The following DLG2 variants were observed in gnomAD, a reference collection of about 807,000 sequenced individuals.
DLG2 encodes disks large homolog 2.
DLG2 carries 45 observed loss-of-function variants against 132.5 expected under a neutral mutation model. The ratio of observed to expected loss-of-function variants is 0.34; its 90% CI spans 0.27 to 0.44. DLG2 has a LOEUF of 0.44. Ranked by LOEUF, DLG2 falls within the 20% of genes least tolerant of loss-of-function variation. The pLI is 1.00. For synonymous variants in DLG2, 424 were observed against 419.6 expected (o/e 1.01, Z -0.13); for missense variants, 1,045 against 1,196.9 (o/e 0.87, Z 1.87).
chr11:85,362,622 C>A (rs983288806), intron 3 of DLG2, among the ~76,000 whole-genome samples: 2 of 150,852 alleles, frequency 1.3e-5, no homozygotes, highest in African/African-American at 4.9e-5. Flanking sequence ...TTTTTTAATG[C>A]CTGATTGCTC....
chr11:85,079,823 G>A (rs2067011600), intron 6 of DLG2, among the ~76,000 whole-genome samples: 2 of 151,972 alleles, frequency 1.3e-5, no homozygotes, highest in South Asian at 4.1e-4. Context: ...GTAGAGATGG[G>A]GTTTCACCAT....
At chr11:85,363,963 C>T (rs2084348314) in intron 3 of DLG2, among the ~76,000 whole-genome samples, 1 of 152,084 alleles carries the variant, frequency 6.6e-6, no homozygotes, top group Non-Finnish European at 1.5e-5. Context: ...TAGTCTTTTC[C>T]AGTCTTAAAA....
At chr11:84,989,327 C>T (rs1244748392) in intron 6 of DLG2, among the ~76,000 whole-genome samples, 1 of 152,088 alleles carries the variant, frequency 6.6e-6, no homozygotes, top group Non-Finnish European at 1.5e-5. Context: ...AGGCATCTGC[C>T]ACCACGCCCG....
At chr11:84,480,553 G>A (rs1009596802) in intron 7 of DLG2, among the ~76,000 whole-genome samples, 17 of 151,866 alleles carry the variant, frequency 1.1e-4, no homozygotes, top group Non-Finnish European at 2.4e-4. Flanking sequence ...AAGAAAAAAA[G>A]AAAGAAAAAA....
rs2098322555 is a variant in DLG2 at position 84,313,648 on chromosome 11, A to AGAAAGAAAGAAAGAAAGAAAG, written c.520-62378_520-62358dup. Among the ~76,000 whole-genome samples the AGAAAGAAAGAAAGAAAGAAAG allele has an allele frequency of 2.4e-5, 3 of 127,086 alleles. No individual in the cohort carries two copies. In the East Asian group the frequency reaches 6.4e-4, roughly 27 times the overall value. 83.4% of individuals were successfully genotyped at this position (127,086 alleles called of 152,430 possible). ...AAAGAAAGGAAAGAGAGAAAAAGAA[A>AGAAAGAAAGAAAGAAAGAAAG]GAAAGAAAGAAAGAAAGAAAGAAAG... is the stretch of plus-strand genomic sequence containing the variant. On this transcript the variant is annotated intron_variant, in intron 7 of 27. Coordinates refer to ENST00000376104, the MANE Select transcript of DLG2 (RefSeq NM_001142699.3).
intron 11 of DLG2, among the ~76,000 whole-genome samples, chr11:84,051,042 A>T (rs2096365452): frequency 6.6e-6 from 1 of 152,002 alleles, no homozygotes; most frequent in Non-Finnish European, 1.5e-5. Flanking sequence ...ATCGCTGGCC[A>T]TCAGAGAAAT....
At chr11:84,517,340 T>C (rs1314217748) in intron 7 of DLG2, among the ~76,000 whole-genome samples, 2 of 151,856 alleles carry the variant, frequency 1.3e-5, no homozygotes, top group African/African-American at 2.4e-5. Flanking sequence ...GCAGAGGATC[T>C]GAACAGACAT....
At chr11:85,012,087 C>G (rs1433956763) in intron 6 of DLG2, among the ~76,000 whole-genome samples, 1 of 150,234 alleles carries the variant, frequency 6.7e-6, no homozygotes, top group Non-Finnish European at 1.5e-5. Context: ...TTTGAGAGGG[C>G]GAGGCAGGCG....
chr11:85,382,700 A>G (rs1464225769), intron 3 of DLG2, among the ~76,000 whole-genome samples: 1 of 152,214 alleles, frequency 6.6e-6, no homozygotes, highest in Admixed American at 6.5e-5. Context: ...ACAATTTGCC[A>G]GAGCAAATAT....
At chr11:83,706,022 T>G (rs2083893020) in intron 18 of DLG2, among the ~76,000 whole-genome samples, 1 of 151,998 alleles carries the variant, frequency 6.6e-6, no homozygotes, top group East Asian at 1.9e-4. Context: ...ATTGAGACCA[T>G]CCTGGCCAAC....
intron 10 of DLG2, among the ~76,000 whole-genome samples, chr11:84,088,636 C>G (rs1296398757): frequency 1.3e-5 from 2 of 152,124 alleles, no homozygotes; most frequent in African/African-American, 2.4e-5. Flanking sequence ...ACCACAGAAC[C>G]ACTTGCTAGG....
At chr11:85,530,602 C>T (rs189973462) in intron 3 of DLG2, among the ~76,000 whole-genome samples, 129 of 152,196 alleles carry the variant, frequency 8.5e-4, no homozygotes, top group Non-Finnish European at 1.3e-3. Flanking sequence ...ATTACAGGTA[C>T]GAGCCACCAC....
rs776781991 is a variant in DLG2 at position 84,114,197 on chromosome 11, T to C, written c.625-15150A>G. ...TTTTAATTTCGAATACGGTAAATAC[T>C]GTAGACAGAATACACATAAACTATA... On this transcript the variant is annotated intron_variant, in intron 9 of 27. Coordinates refer to ENST00000376104, the MANE Select transcript of DLG2 (RefSeq NM_001142699.3). 2.6e-5 allele frequency among the ~76,000 whole-genome samples: 4 copies of C among 152,132 alleles called. No homozygotes were observed. The South Asian group carries it at 6.2e-4, about 24-fold the overall frequency.
At chr11:84,372,854 A>G (rs909665113) in intron 7 of DLG2, among the ~76,000 whole-genome samples, 3 of 152,130 alleles carry the variant, frequency 2.0e-5, no homozygotes, top group Non-Finnish European at 4.4e-5. Context: ...GTTCCCATCT[A>G]AGTTTGTGAT....
intron 15 of DLG2, among the ~76,000 whole-genome samples, chr11:83,874,736 A>G (rs2064330330): frequency 1.3e-5 from 2 of 152,136 alleles, no homozygotes; most frequent in South Asian, 2.1e-4. Flanking sequence ...AATCGGTCCT[A>G]TTGTCAATAA....
chr11:85,077,579 T>C (rs1162818287), intron 6 of DLG2, among the ~76,000 whole-genome samples: 2 of 152,014 alleles, frequency 1.3e-5, no homozygotes, highest in Non-Finnish European at 2.9e-5. Flanking sequence ...AAGTTGAACC[T>C]CACTCAATAT....
At chr11:84,133,413 G>T (rs1299888377) in intron 9 of DLG2, among the ~76,000 whole-genome samples, 1 of 151,992 alleles carries the variant, frequency 6.6e-6, no homozygotes, top group African/African-American at 2.4e-5. Context: ...AAAATGGCCA[G>T]TGTGGGCTAT....
chr11:83,991,080 A>C (rs2093684811), intron 11 of DLG2, among the ~76,000 whole-genome samples: 2 of 152,212 alleles, frequency 1.3e-5, no homozygotes, highest in African/African-American at 4.8e-5. Context: ...TTGCTTTAAC[A>C]AATACCAAAA....
chr11:85,465,147 AT>A (rs561640411), intron 3 of DLG2, among the ~76,000 whole-genome samples: 1,299 of 89,818 alleles, frequency 0.014, 52 homozygotes, highest in African/African-American at 0.046. Flanking sequence ...ACAATATAAG[AT>A]TTTTTTTTTT....
Sources: allele counts gnomAD v4.1 joint callset (sites outside exome capture counted in the v4.1 genomes callset), GRCh38; gene constraint gnomAD v4.1.1; transcripts MANE v1.5; gene names NCBI Gene and HGNC (gene_info 2026-07-23, HGNC 2026-07-21).